The following IGF2R variants were observed in gnomAD, a reference collection of about 807,000 sequenced individuals.
The protein encoded by IGF2R is insulin like growth factor 2 receptor, also known as cation-independent mannose-6-phosphate receptor.
A neutral mutation model predicts 270.6 loss-of-function variants in IGF2R; 91 were observed. The ratio of observed to expected loss-of-function variants is 0.34; its 90% CI spans 0.28 to 0.40. IGF2R has a LOEUF of 0.40. IGF2R is among the 10% of genes least tolerant of loss of function. IGF2R has a pLI of 1.00. For missense variants in IGF2R, 2,805 were observed against 3,188.3 expected, an observed-to-expected ratio of 0.88 and a Z score of 2.90; for synonymous variants, 1,316 against 1,258.9, an observed-to-expected ratio of 1.05 and a Z score of -0.96.
rs987108780 is a variant in IGF2R at position 160,109,875 on chromosome 6, A to G, written c.*4791A>G. 2 of 152,184 alleles carry G rather than the reference A, an allele frequency of 1.3e-5. No homozygotes were observed. The highest frequency in any genetic ancestry group is 2.1e-4 in the South Asian group (1 of 4,828). 9.4% of individuals were successfully genotyped at this position (152,184 alleles called of 1,614,324 possible). On this transcript the variant is annotated 3_prime_UTR_variant, in exon 48 of 48. Transcript: ENST00000356956. ...GGCCCTTGGGTCTAACTGCAAAATC[A>G]TACTTGAACTAGAAAATCCCGTTGG...
intron 1 of IGF2R, among the ~76,000 whole-genome samples, chr6:159,980,218 A>AAGGAAGGAAGGAAGGAAGGAAG (rs1554234650): frequency 8.9e-6 from 1 of 112,154 alleles, no homozygotes; most frequent in East Asian, 6.3e-4. Context: ...AAAGAAAGAA[A>AAGGAAGGAAGGAAGGAAGGAAG]GAAAGAAAGA....
chr6:160,081,428 A>T (rs13207901), intron 39 of IGF2R, among the ~76,000 whole-genome samples: 22,966 of 152,200 alleles, frequency 0.15, 1,868 homozygotes, highest in Middle Eastern at 0.26. Flanking sequence ...CAAGGATGAC[A>T]AGAGGTCACA....
chr6:159,982,086 G>T (rs1336038066), intron 1 of IGF2R, among the ~76,000 whole-genome samples: 1 of 152,208 alleles, frequency 6.6e-6, no homozygotes, highest in Non-Finnish European at 1.5e-5. Flanking sequence ...TTCAGCTCGG[G>T]GTAGGAGTCT....
chr6:160,011,705 G>C (rs1583258543), intron 4 of IGF2R, among the ~76,000 whole-genome samples: 1 of 152,040 alleles, frequency 6.6e-6, no homozygotes, highest in Non-Finnish European at 1.5e-5. Flanking sequence ...CCCTTCCCCA[G>C]CCTGGATTCC....
rs561422667 is a variant in IGF2R at position 160,060,714 on chromosome 6, AC to A, written c.3261del (p.Asp1088ThrfsTer9). 6.2e-7 allele frequency: 1 copy of A among 1,614,224 alleles called. No homozygotes were observed. Among genetic ancestry groups the A allele is most frequent in the Non-Finnish European group, 8.5e-7 (1 of 1,180,046 alleles). ...TCCTTCTCCAGTGGACTGCCAAGTC[AC>A]CGGTAAGGCCGTGCGGCCTAAGAAC... is the stretch of plus-strand genomic sequence containing the variant. ...CVPSPVDCQV[T>X]DLAGNEYDLT... On this transcript the variant is annotated frameshift_variant and splice_region_variant, in exon 23 of 48. Coordinates refer to ENST00000356956, the MANE Select transcript of IGF2R (RefSeq NM_000876.4). LOFTEE classifies it high-confidence loss of function.
intron 36 of IGF2R, among the ~76,000 whole-genome samples, 155 bp downstream of exon 36, chr6:160,076,151 A>T: frequency 6.6e-6 from 1 of 152,238 alleles, no homozygotes; most frequent in East Asian, 1.9e-4. Flanking sequence ...GAATAATTTA[A>T]ACCACTGATT....
chr6:160,078,892 C>G (rs1310713693), intron 37 of IGF2R, among the ~76,000 whole-genome samples: 1 of 152,152 alleles, frequency 6.6e-6, no homozygotes, highest in Non-Finnish European at 1.5e-5. Flanking sequence ...TGTGCTGATT[C>G]TTTGGGCTGC....
intron 1 of IGF2R, among the ~76,000 whole-genome samples, chr6:159,980,236 A>AAAGGAAGG (rs1491249507): frequency 5.9e-5 from 8 of 136,154 alleles, no homozygotes; most frequent in Admixed American, 3.0e-4. Context: ...AGAAAGAAAG[A>AAAGGAAGG]AAGGTACATG....
chr6:160,006,321 TC>T (rs891430668), intron 2 of IGF2R: 1 of 153,832 alleles, frequency 6.5e-6, no homozygotes, highest in African/African-American at 2.4e-5. Context: ...GCTGCGCATC[TC>T]CCTAGGCGGG....
chr6:160,040,748 G>T (rs1374309732), intron 11 of IGF2R, 24 bp downstream of exon 11: 1 of 1,596,120 alleles, frequency 6.3e-7, no homozygotes, highest in Admixed American at 1.7e-5. Flanking sequence ...TGCCATGCGG[G>T]TCTTAGTCCA....
At position 160,106,764 on chromosome 6, in the gene IGF2R, C is replaced by G. The variant is rs1450641474; in HGVS notation, c.*1680C>G. 1 of 152,214 alleles carries G rather than the reference C, an allele frequency of 6.6e-6. No individual in the cohort carries two copies. The highest frequency in any genetic ancestry group is 1.5e-5 in the Non-Finnish European group (1 of 68,042). The allele number at this position is 152,214 out of a possible 1,614,324, so 9.4% of individuals were successfully genotyped here. The stretch of plus-strand genomic sequence containing the variant: ...CCAATCTGCCTTCCCTTGGCTCTTT[C>G]TAGATCCGATTTCTTTACCTTCTCC... On this transcript the variant is annotated 3_prime_UTR_variant, in exon 48 of 48. Transcript: ENST00000356956.
chr6:160,102,789 C>T lies in IGF2R; in HGVS notation c.6995+118C>T, dbSNP rs1418021223. 1.7e-5 allele frequency: 20 copies of T among 1,210,272 alleles called. No homozygotes were observed. The Admixed American group carries it at 4.2e-4, about 25-fold the overall frequency. The allele number at this position is 1,210,272 out of a possible 1,614,324, so 75.0% of individuals were successfully genotyped here. On this transcript the variant is annotated intron_variant, in intron 46 of 47. Transcript: ENST00000356956. The surrounding 1 kb of genome is among the most constrained non-coding windows in gnomAD (Gnocchi z 4.5). The stretch of plus-strand genomic sequence containing the variant: ...TTTAAGCCCTACAGCAGCGAAGGCT[C>T]GAGGTTCTTAGTCCAAAACTCTCTG...
At chr6:160,062,672 G>T (rs931793173) in intron 26 of IGF2R, 53 bp downstream of exon 26, 1 of 1,301,118 alleles carries the variant, frequency 7.7e-7, no homozygotes, top group Admixed American at 1.8e-5. Context: ...AGTAGCAGAC[G>T]TTCTGAACGA....
intron 1 of IGF2R, among the ~76,000 whole-genome samples, chr6:159,974,372 A>C (rs1783656903): frequency 6.6e-6 from 1 of 152,070 alleles, no homozygotes. Flanking sequence ...ACCCCTTAAA[A>C]ATTGTTTTTG....
At chr6:160,015,174 C>G (rs893231537) in intron 4 of IGF2R, among the ~76,000 whole-genome samples, 6 of 152,194 alleles carry the variant, frequency 3.9e-5, no homozygotes, top group African/African-American at 1.4e-4. Context: ...AAGCAGTTAA[C>G]TTTTGTAAAT....
At position 160,096,472 on chromosome 6, in the gene IGF2R, C is replaced by G. The variant is rs1779361865; in HGVS notation, c.6689C>G (p.Ser2230Cys). The part of the protein sequence containing the change: ...GDLDVVFASS[S>C]KCGKDKTKSV... ...CTCGATGTCGTGTTTGCCTCTTCCT[C>G]TAAGTGCGGAAAGGATAAGACCAAG... The change falls in exon 45 of 48, where the codon TCT (serine) becomes TGT (cysteine). Residue 2230 changes from serine to cysteine, a missense_variant. Ser to Cys is a moderately radical substitution (Grantham distance 112). Coordinates refer to ENST00000356956, the MANE Select transcript of IGF2R (RefSeq NM_000876.4). 1.9e-6 allele frequency: 3 copies of G among 1,613,496 alleles called. No homozygotes were observed. Among genetic ancestry groups the G allele is most frequent in the East Asian group, 2.2e-5 (1 of 44,856 alleles).
chr6:159,990,444 T>C (rs1477149146), intron 1 of IGF2R, among the ~76,000 whole-genome samples: 1 of 152,176 alleles, frequency 6.6e-6, no homozygotes, highest in Non-Finnish European at 1.5e-5. Context: ...AAAAAGAATG[T>C]GTTTGCTTCC....
At chr6:160,045,552 C>T (rs148653821) in intron 13 of IGF2R, among the ~76,000 whole-genome samples, 193 bp from the exon 14 acceptor site, 22 of 152,252 alleles carry the variant, frequency 1.4e-4, no homozygotes, top group African/African-American at 2.2e-4. Flanking sequence ...TTTGTCTCTA[C>T]GGATTTGACT....
Position 160,079,902 on chromosome 6 carries a change from C to A in IGF2R, c.5686+115C>A, listed in dbSNP as rs548397978. 9 of 1,069,978 alleles carry A rather than the reference C, an allele frequency of 8.4e-6. No homozygotes were observed. The African/African-American group carries it at 1.1e-4, about 13-fold the overall frequency. The allele number at this position is 1,069,978 out of a possible 1,614,324, so 66.3% of individuals were successfully genotyped here. On this transcript the variant is annotated intron_variant, in intron 38 of 47. Coordinates refer to ENST00000356956, the MANE Select transcript of IGF2R (RefSeq NM_000876.4). ...TCCACGGTCCTATGAGTGCTGTAAC[C>A]TTGGGCGTGAATGTGAGCTGTTCCT...
Sources: allele counts gnomAD v4.1 joint callset (sites outside exome capture counted in the v4.1 genomes callset), GRCh38; gene constraint gnomAD v4.1.1; non-coding constraint Gnocchi (gnomAD v3.1); transcripts MANE v1.5; gene names NCBI Gene and HGNC (gene_info 2026-07-23, HGNC 2026-07-21).